Variants in FOXK1 observed in about 807,000 individuals in gnomAD.
FOXK1 encodes the protein forkhead box K1.
A neutral mutation model predicts 51.9 loss-of-function variants in FOXK1; 19 were observed. The ratio of observed to expected loss-of-function variants is 0.37; its 90% CI spans 0.26 to 0.54. The LOEUF (loss-of-function observed/expected upper bound fraction) is 0.54. Ranked by LOEUF, FOXK1 falls within the 20% of genes least tolerant of loss-of-function variation. FOXK1 has a pLI of 0.87. For synonymous variants in FOXK1, 537 were observed against 482.6 expected (o/e 1.11, Z -1.48); for missense variants, 870 against 1,032.7 (o/e 0.84, Z 2.16).
Position 4,768,354 on chromosome 7 carries a change from G to T in FOXK1, c.*5890G>T, listed in dbSNP as rs112836868. On this transcript the variant is annotated 3_prime_UTR_variant, in exon 9 of 9. Coordinates refer to ENST00000328914, the MANE Select transcript of FOXK1 (RefSeq NM_001037165.2). ...TCACCGTGTTAGCCAGGATGGTCTCGATCTCCTGACCTCGTGATCCGCCCG... is the reference window on the plus strand; with the variant it reads ...TCACCGTGTTAGCCAGGATGGTCTCTATCTCCTGACCTCGTGATCCGCCCG... 1.4e-5 allele frequency: 2 copies of T among 138,240 alleles called. No homozygotes were observed. The highest frequency in any genetic ancestry group is 1.9e-4 in the East Asian group (1 of 5,150). 8.6% of individuals were successfully genotyped at this position (138,240 alleles called of 1,614,324 possible). A position where few individuals can be genotyped will look rare whatever the true frequency, so the allele number is the denominator to read the frequency against.
At chr7:4,716,356 G>A (rs1780234603) in intron 1 of FOXK1, among the ~76,000 whole-genome samples, 1 of 152,054 alleles carries the variant, frequency 6.6e-6, no homozygotes, top group Non-Finnish European at 1.5e-5. Context: ...TTTTGTTGTG[G>A]TCAGCTGGAT....
At chr7:4,717,139 T>C (rs1780245212) in intron 1 of FOXK1, among the ~76,000 whole-genome samples, 1 of 126,350 alleles carries the variant, frequency 7.9e-6, no homozygotes. Flanking sequence ...GGCTGGAAGG[T>C]GGTAGCGGGA....
In FOXK1 at chr7:4,749,240, C is replaced by T. The variant is rs1371346767; in HGVS notation, c.747-5219C>T. ...GACGGCATCGTTACCTCCCTAGGGA[C>T]GGGAACCATGTTTCATCTCCTCCCA... On this transcript the variant is annotated intron_variant, in intron 2 of 8. Coordinates refer to ENST00000328914, the MANE Select transcript of FOXK1 (RefSeq NM_001037165.2). The surrounding 1 kb of genome is among the most constrained non-coding windows in gnomAD (Gnocchi z 6.0). 3.3e-5 allele frequency among the ~76,000 whole-genome samples: 5 copies of T among 152,154 alleles called. No homozygotes were observed. Among genetic ancestry groups the T allele is most frequent in the African/African-American group, 4.8e-5 (2 of 41,428 alleles).
At position 4,754,445 on chromosome 7, in the gene FOXK1, TTCTC is replaced by T; in HGVS notation, c.747-9_747-6del. 1 of 1,611,578 alleles carries T rather than the reference TTCTC, an allele frequency of 6.2e-7. No individual in the cohort carries two copies. The highest frequency in any genetic ancestry group is 8.5e-7 in the Non-Finnish European group (1 of 1,179,412). On this transcript the variant is annotated splice_polypyrimidine_tract_variant and intron_variant, in intron 2 of 8. Coordinates refer to ENST00000328914, the MANE Select transcript of FOXK1 (RefSeq NM_001037165.2). ...TCAGAGCCATGAACTTACAGTGTCC[TTCTC>T]TCTCCTCAGTGTCCCCAACTCCTGC...
At chr7:4,738,809 C>T (rs1021064588) in intron 1 of FOXK1, among the ~76,000 whole-genome samples, 2 of 152,184 alleles carry the variant, frequency 1.3e-5, no homozygotes, top group Non-Finnish European at 2.9e-5. Context: ...ACCAGTATCT[C>T]GGGGAGAATC....
intron 2 of FOXK1, among the ~76,000 whole-genome samples, chr7:4,752,781 TGTG>T (rs1562389482): frequency 1.3e-5 from 2 of 152,182 alleles, no homozygotes; most frequent in African/African-American, 4.8e-5. Context: ...TGCACAGGCG[TGTG>T]CTGGCCCCAT....
At position 4,711,529 on chromosome 7, in the gene FOXK1, A is replaced by G. The variant is rs1029126559; in HGVS notation, c.560+28661A>G. 2.0e-5 allele frequency among the ~76,000 whole-genome samples: 3 copies of G among 152,178 alleles called. No individual in the cohort carries two copies. The highest frequency in any genetic ancestry group is 4.8e-5 in the African/African-American group (2 of 41,442). ...AGTGTGAAGAGGTGTGCCCCATCCCATGGCCACTGGAGAACTGGCAGAAGC... is the reference window on the plus strand; with the variant it reads ...AGTGTGAAGAGGTGTGCCCCATCCCGTGGCCACTGGAGAACTGGCAGAAGC... On this transcript the variant is annotated intron_variant, in intron 1 of 8. Coordinates refer to ENST00000328914, the MANE Select transcript of FOXK1 (RefSeq NM_001037165.2). This position sits in a 1 kb window ranked among gnomAD's most constrained non-coding sequence, Gnocchi z 6.3.
chr7:4,691,118 GT>G (rs1207937070), intron 1 of FOXK1, among the ~76,000 whole-genome samples: 1 of 152,160 alleles, frequency 6.6e-6, no homozygotes, highest in East Asian at 1.9e-4. Context: ...CCAAGAAGGC[GT>G]GTGGCGTGCT....
chr7:4,704,159 A>G (rs1780053191), intron 1 of FOXK1, among the ~76,000 whole-genome samples: 1 of 152,130 alleles, frequency 6.6e-6, no homozygotes, highest in Non-Finnish European at 1.5e-5. Flanking sequence ...CATTGCTAAG[A>G]AACATCCCTG....
chr7:4,762,310 C>T lies in FOXK1; in HGVS notation c.2048C>T (p.Thr683Ile). The stretch of plus-strand genomic sequence containing the variant: ...GCCGTCGCGGCCACGGCCACCACCA[C>T]CCCAGCCACTGCCACCACCGCCTCT... Reference protein sequence around the residue: ...AAAVAATATTTPATATTASAS... With the variant: ...AAAVAATATTIPATATTASAS... The change falls in exon 9 of 9, where the codon ACC becomes ATC. Residue 683 changes from threonine to isoleucine, a missense_variant. By Grantham distance (89) the Thr-to-Ile change is moderately conservative (BLOSUM62 -1). Transcript: ENST00000328914. The surrounding 1 kb of genome is among the most constrained non-coding windows in gnomAD (Gnocchi z 5.7). The T allele has an allele frequency of 1.3e-6, 2 of 1,550,524 alleles. No individual in the cohort carries two copies. The highest frequency in any genetic ancestry group is 1.4e-5 in the African/African-American group (1 of 73,148).
intron 1 of FOXK1, among the ~76,000 whole-genome samples, chr7:4,705,135 A>T (rs552476399): frequency 6.6e-6 from 1 of 152,194 alleles, no homozygotes; most frequent in African/African-American, 2.4e-5. Flanking sequence ...CTGGCCTAAA[A>T]GTTTATTTTT....
chr7:4,697,050 G>A (rs1391178608), intron 1 of FOXK1, among the ~76,000 whole-genome samples: 5 of 152,130 alleles, frequency 3.3e-5, no homozygotes, highest in Non-Finnish European at 5.9e-5. Flanking sequence ...CAGCCTGGGC[G>A]ACAGAGCGAG....
rs987453655 is a variant in FOXK1 at position 4,743,044 on chromosome 7, G to C, written c.746+2021G>C. Among the ~76,000 whole-genome samples, 1 of 152,178 alleles carries C rather than the reference G, an allele frequency of 6.6e-6. No individual in the cohort carries two copies. Among genetic ancestry groups the C allele is most frequent in the Non-Finnish European group, 1.5e-5 (1 of 68,030 alleles). On this transcript the variant is annotated intron_variant, in intron 2 of 8. Coordinates refer to ENST00000328914, the MANE Select transcript of FOXK1 (RefSeq NM_001037165.2). This position sits in a 1 kb window ranked among gnomAD's most constrained non-coding sequence, Gnocchi z 5.3. ...TTCAGCCCCCCACCTTCCCGGGCCC[G>C]GTTCCCGTCTGAGTCAGTGCTGTGA...
At chr7:4,740,632 A>C (rs1780620740) in intron 1 of FOXK1, among the ~76,000 whole-genome samples, 1 of 152,068 alleles carries the variant, frequency 6.6e-6, no homozygotes, top group South Asian at 2.1e-4. Flanking sequence ...AAATAAAATA[A>C]AGAAATAGAA....
chr7:4,719,139 T>G (rs79493870), intron 1 of FOXK1, among the ~76,000 whole-genome samples: 9,077 of 81,210 alleles, frequency 0.11, 937 homozygotes, highest in African/African-American at 0.31. Flanking sequence ...TTGTTTGTTT[T>G]GTTTGTTTGT....
Position 4,735,767 on chromosome 7 carries a change from G to A in FOXK1, c.561-5071G>A, listed in dbSNP as rs1273923667. On this transcript the variant is annotated intron_variant, in intron 1 of 8. Transcript: ENST00000328914. The surrounding 1 kb of genome is among the most constrained non-coding windows in gnomAD (Gnocchi z 4.7). Reference sequence around the variant, plus strand: ...CACCTTCACGATGCAAAACGTGCTCGTTCAGACTCCAGCTAGAGCCCTGCA... The same window carrying A: ...CACCTTCACGATGCAAAACGTGCTCATTCAGACTCCAGCTAGAGCCCTGCA... 2.6e-5 allele frequency among the ~76,000 whole-genome samples: 4 copies of A among 152,178 alleles called. No individual in the cohort carries two copies. Among genetic ancestry groups the A allele is most frequent in the South Asian group, 2.1e-4 (1 of 4,828 alleles).
intron 1 of FOXK1, among the ~76,000 whole-genome samples, chr7:4,706,721 A>G (rs980045914): frequency 6.6e-6 from 1 of 152,260 alleles, no homozygotes; most frequent in African/African-American, 2.4e-5. Flanking sequence ...TCCTCGTGAA[A>G]GACACGTACA....
rs1285105551 is a variant in FOXK1, at chr7:4,765,906, C to A, written c.*3442C>A. ...GAAGCAGGGCCTGAGCGTCCCCAGG[C>A]TGCTAGGGCAGCAGCTGGCTCAGGG... On this transcript the variant is annotated 3_prime_UTR_variant, in exon 9 of 9. Coordinates refer to ENST00000328914, the MANE Select transcript of FOXK1 (RefSeq NM_001037165.2). The A allele has an allele frequency of 6.6e-6, 1 of 152,264 alleles. No homozygotes were observed. The highest frequency in any genetic ancestry group is 2.4e-5 in the African/African-American group (1 of 41,456). The allele number at this position is 152,264 out of a possible 1,614,324, so 9.4% of individuals were successfully genotyped here. A position where few individuals can be genotyped will look rare whatever the true frequency, so the allele number is the denominator to read the frequency against.
Position 4,753,485 on chromosome 7 carries a change from C to A in FOXK1, c.747-974C>A, listed in dbSNP as rs901816168. Among the ~76,000 whole-genome samples, 1 of 151,960 alleles carries A rather than the reference C, an allele frequency of 6.6e-6. No individual in the cohort carries two copies. The highest frequency in any genetic ancestry group is 1.5e-5 in the Non-Finnish European group (1 of 67,980). ...GCAGCAGGGAGCATCCTACCCGCCA[C>A]GGGGGCTCTAAGTCAGCTGAGAGGG... is the stretch of plus-strand genomic sequence containing the variant. On this transcript the variant is annotated intron_variant, in intron 2 of 8. Coordinates refer to ENST00000328914, the MANE Select transcript of FOXK1 (RefSeq NM_001037165.2). This position sits in a 1 kb window ranked among gnomAD's most constrained non-coding sequence, Gnocchi z 4.9.
Sources: allele counts gnomAD v4.1 joint callset (sites outside exome capture counted in the v4.1 genomes callset), GRCh38; gene constraint gnomAD v4.1.1; non-coding constraint Gnocchi (gnomAD v3.1); transcripts MANE v1.5; gene names NCBI Gene and HGNC (gene_info 2026-07-23, HGNC 2026-07-21).